CDH9: variants seen among roughly 807,000 people sequenced by gnomAD.
The protein encoded by CDH9 is cadherin-9.
Under a neutral mutation model 70.9 loss-of-function variants are expected in CDH9, and 28 were observed. The observed-to-expected ratio is 0.40, with a 90% CI of 0.29 to 0.54. The LOEUF is 0.54. Ranked by LOEUF, CDH9 falls within the 20% of genes least tolerant of loss-of-function variation. The probability of loss-of-function intolerance (pLI) is 0.59; values close to 1 mark genes in which losing one functional copy is unlikely to be tolerated. For synonymous variants in CDH9, 409 were observed against 343.1 expected (o/e 1.19, Z -2.12); for missense variants, 874 against 984.4 (o/e 0.89, Z 1.50).
At chr5:26,955,627 A>T (rs2112053639) in intron 2 of CDH9, among the ~76,000 whole-genome samples, 1 of 149,176 alleles carries the variant, frequency 6.7e-6, no homozygotes, top group South Asian at 2.1e-4. Flanking sequence ...TCATTATTTC[A>T]ATTTCAGCTG....
At chr5:27,023,504 C>A (rs750482223) in intron 1 of CDH9, among the ~76,000 whole-genome samples, 4 of 151,918 alleles carry the variant, frequency 2.6e-5, no homozygotes, top group East Asian at 1.9e-4. Context: ...ATAATGAATT[C>A]TTATTTATAT....
At chr5:26,962,215 C>A (rs571393163) in intron 2 of CDH9, among the ~76,000 whole-genome samples, 1 of 152,212 alleles carries the variant, frequency 6.6e-6, no homozygotes, top group East Asian at 1.9e-4. Context: ...TTTCTTTATC[C>A]AGTCTATCAT....
At chr5:26,951,274 A>T (rs1399000105) in intron 2 of CDH9, among the ~76,000 whole-genome samples, 2 of 125,712 alleles carry the variant, frequency 1.6e-5, no homozygotes, top group Admixed American at 9.5e-5. Context: ...CCTGGGTGAC[A>T]GAGCAAGACT....
chr5:26,951,291 C>CAAAAA lies in CDH9; in HGVS notation c.229-35372_229-35368dup, dbSNP rs796799417. On this transcript the variant is annotated intron_variant, in intron 2 of 11. Transcript: ENST00000231021. ...TGGGTGACAGAGCAAGACTCTGTCT[C>CAAAAA]AAAAAAAAAAAAAAAAAAAAAAAAA... 1.5e-4 allele frequency among the ~76,000 whole-genome samples: 13 copies of CAAAAA among 86,186 alleles called. 1 individual carries two copies. The highest frequency in any genetic ancestry group is 3.8e-4 in the African/African-American group (7 of 18,214). The allele number at this position is 86,186 out of a possible 152,430, so 56.5% of individuals were successfully genotyped here.
intron 1 of CDH9, among the ~76,000 whole-genome samples, chr5:26,998,479 C>CA (rs1217447676): frequency 4.6e-4 from 65 of 140,452 alleles, no homozygotes; most frequent in Admixed American, 2.6e-3. Flanking sequence ...ATCACAAGGA[C>CA]AAAAAAAAAC....
At chr5:26,978,908 T>G (rs1263900356) in intron 2 of CDH9, among the ~76,000 whole-genome samples, 1 of 151,792 alleles carries the variant, frequency 6.6e-6, no homozygotes, top group Non-Finnish European at 1.5e-5. Flanking sequence ...AGTTAAAATA[T>G]TTTTCAAAAA....
Position 26,906,764 on chromosome 5 carries a change from T to C in CDH9, c.598A>G (p.Ser200Gly). 1 of 1,613,320 alleles carries C rather than the reference T, an allele frequency of 6.2e-7. No homozygotes were observed. Among genetic ancestry groups the C allele is most frequent in the East Asian group, 2.2e-5 (1 of 44,780 alleles). ...AAATATGGCTGTCCTTGCAATATGC[T>C]ATAGACCACTTTGGCACTATTTCCA... is the stretch of plus-strand genomic sequence containing the variant. The part of the protein sequence containing the change: ...NYGNSAKVVY[S>G]ILQGQPYFSV... The change falls in exon 4 of 12, where the codon AGC becomes GGC. Residue 200 changes from serine (S) to glycine (G), a missense_variant. Transcript: ENST00000231021.
chr5:26,924,419 A>G (rs1298566417), intron 2 of CDH9, among the ~76,000 whole-genome samples: 2 of 151,788 alleles, frequency 1.3e-5, no homozygotes, highest in African/African-American at 4.8e-5. Context: ...TGTTCCAACA[A>G]AGAAAAGCCC....
chr5:26,957,528 G>A (rs1161265583), intron 2 of CDH9, among the ~76,000 whole-genome samples: 2 of 152,080 alleles, frequency 1.3e-5, no homozygotes, highest in African/African-American at 2.4e-5. Flanking sequence ...CGGGCGTGGA[G>A]GTATGCGCCT....
intron 2 of CDH9, among the ~76,000 whole-genome samples, chr5:26,963,105 TGA>T (rs1197220346): frequency 3.9e-5 from 6 of 152,206 alleles, no homozygotes; most frequent in Non-Finnish European, 8.8e-5. Flanking sequence ...AGATAAATAC[TGA>T]GTTATTATTA....
chr5:26,963,355 G>A (rs13185067), intron 2 of CDH9, among the ~76,000 whole-genome samples: 13 of 152,056 alleles, frequency 8.5e-5, no homozygotes, highest in Non-Finnish European at 1.9e-4. Flanking sequence ...TTGATTTTGT[G>A]TAAGTCAATT....
chr5:26,906,302 C>T (rs1410431861), intron 4 of CDH9, among the ~76,000 whole-genome samples, 176 bp from the exon 5 acceptor site: 1 of 152,074 alleles, frequency 6.6e-6, no homozygotes, highest in African/African-American at 2.4e-5. Flanking sequence ...AAGGATTTTC[C>T]CACGGGCTAT....
intron 3 of CDH9, among the ~76,000 whole-genome samples, chr5:26,913,951 T>C (rs771381824): frequency 2.0e-5 from 3 of 151,904 alleles, no homozygotes; most frequent in Non-Finnish European, 4.4e-5. Flanking sequence ...CAGAAAACAA[T>C]GTAGGAGAAA....
At chr5:26,940,875 T>A (rs1231409096) in intron 2 of CDH9, among the ~76,000 whole-genome samples, 1 of 152,222 alleles carries the variant, frequency 6.6e-6, no homozygotes, top group Non-Finnish European at 1.5e-5. Context: ...TTAGTAAAAC[T>A]AATTCAGAAA....
chr5:26,994,395 TATTAGG>T (rs1309376802), intron 1 of CDH9, among the ~76,000 whole-genome samples: 3 of 152,072 alleles, frequency 2.0e-5, no homozygotes, highest in Non-Finnish European at 4.4e-5. Flanking sequence ...AGACTGATAG[TATTAGG>T]AGGTGGGGCC....
At chr5:26,985,712 G>T (rs4602586) in intron 2 of CDH9, among the ~76,000 whole-genome samples, 71,935 of 151,810 alleles carry the variant, frequency 0.47, 17,878 homozygotes, top group African/African-American at 0.52. Context: ...CCTGGTCCGT[G>T]GTGAATACGA....
chr5:26,994,376 T>G (rs999345614), intron 1 of CDH9, among the ~76,000 whole-genome samples: 3 of 152,126 alleles, frequency 2.0e-5, no homozygotes, highest in Non-Finnish European at 2.9e-5. Context: ...TGCTAAAATC[T>G]TAACCCCCAG....
rs565109904 is a variant in CDH9, at chr5:26,974,961, G to C, written c.228+13145C>G. 1.8e-4 allele frequency among the ~76,000 whole-genome samples: 27 copies of C among 152,102 alleles called. No individual in the cohort carries two copies. In the East Asian group the frequency reaches 5.2e-3, roughly 29 times the overall value. On this transcript the variant is annotated intron_variant, in intron 2 of 11. Coordinates refer to ENST00000231021, the MANE Select transcript of CDH9 (RefSeq NM_016279.4). ...TATCCATCCTATCACTAACAGTTTT[G>C]ACCCTTTGACCAACAGCTCTCCATT... is the stretch of plus-strand genomic sequence containing the variant.
At chr5:26,957,346 A>C (rs1255883773) in intron 2 of CDH9, among the ~76,000 whole-genome samples, 2 of 152,112 alleles carry the variant, frequency 1.3e-5, no homozygotes, top group African/African-American at 2.4e-5. Flanking sequence ...CATAGGCTGT[A>C]AATAATAAAA....
Sources: allele counts gnomAD v4.1 joint callset (sites outside exome capture counted in the v4.1 genomes callset), GRCh38; gene constraint gnomAD v4.1.1; transcripts MANE v1.5; gene names NCBI Gene and HGNC (gene_info 2026-07-23, HGNC 2026-07-21).